Variants in PRKN observed in about 807,000 individuals in gnomAD.
PRKN encodes E3 ubiquitin-protein ligase parkin.
Under a neutral mutation model 59.5 loss-of-function variants are expected in PRKN, and 56 were observed. That is an observed-to-expected ratio of 0.94 (90% confidence interval 0.76 to 1.18). The LOEUF is 1.18. Ranked by LOEUF, PRKN falls within the 50% of genes most tolerant of loss-of-function variation. The probability of loss-of-function intolerance (pLI) is 0.00; values close to 1 mark genes in which losing one functional copy is unlikely to be tolerated. For missense variants in PRKN, 657 were observed against 596.4 expected, an observed-to-expected ratio of 1.10 and a Z score of -1.06; for synonymous variants, 250 against 222.1, an observed-to-expected ratio of 1.13 and a Z score of -1.12.
intron 9 of PRKN, among the ~76,000 whole-genome samples, chr6:161,506,173 C>T (rs1453457143): frequency 1.3e-5 from 2 of 151,868 alleles, no homozygotes; most frequent in East Asian, 3.9e-4. Context: ...GAATGTTCTT[C>T]CATTTGTTTG....
At chr6:161,528,724 GTAACT>G (rs768990508) in intron 9 of PRKN, among the ~76,000 whole-genome samples, 68 of 152,314 alleles carry the variant, frequency 4.5e-4, no homozygotes, top group Admixed American at 8.5e-4. Flanking sequence ...TAGACACTGA[GTAACT>G]TCTTGTCAGT....
At chr6:162,157,190 C>A (rs1324074775) in intron 4 of PRKN, among the ~76,000 whole-genome samples, 1 of 151,792 alleles carries the variant, frequency 6.6e-6, no homozygotes, top group African/African-American at 2.4e-5. Flanking sequence ...CTATTCTCTT[C>A]TCCTCTGCCT....
intron 1 of PRKN, among the ~76,000 whole-genome samples, chr6:162,710,645 C>T (rs1427257574): frequency 1.3e-5 from 2 of 152,134 alleles, no homozygotes; most frequent in Admixed American, 1.3e-4. Context: ...TGATGTATTA[C>T]ACATTTGCAC....
At position 161,526,712 on chromosome 6, in the gene PRKN, G is replaced by C. The variant is rs1211622380; in HGVS notation, c.1083+22142C>G. On this transcript the variant is annotated intron_variant, in intron 9 of 11. Coordinates refer to ENST00000366898, the MANE Select transcript of PRKN (RefSeq NM_004562.3). This position sits in a 1 kb window ranked among gnomAD's most constrained non-coding sequence, Gnocchi z 4.1. Reference sequence around the variant, plus strand: ...GCAAATGTTTGCTAAGCACTGTAGGGGACAGAAAAGACTTTCTTTATCCTC... The same window carrying C: ...GCAAATGTTTGCTAAGCACTGTAGGCGACAGAAAAGACTTTCTTTATCCTC... 6.6e-6 allele frequency among the ~76,000 whole-genome samples: 1 copy of C among 151,952 alleles called. No individual in the cohort carries two copies. Among genetic ancestry groups the C allele is most frequent in the African/African-American group, 2.4e-5 (1 of 41,396 alleles).
chr6:161,824,126 A>G (rs1792145031), intron 6 of PRKN, among the ~76,000 whole-genome samples: 1 of 152,208 alleles, frequency 6.6e-6, no homozygotes, highest in Non-Finnish European at 1.5e-5. Flanking sequence ...TCCTCCTCGC[A>G]CAGACTGTGT....
intron 4 of PRKN, among the ~76,000 whole-genome samples, chr6:162,061,660 C>T (rs1055479170): frequency 6.6e-6 from 1 of 152,064 alleles, no homozygotes; most frequent in African/African-American, 2.4e-5. Flanking sequence ...AGCACAGTGC[C>T]GTGGTTAGAG....
chr6:161,500,128 T>A (rs1017718509), intron 9 of PRKN, among the ~76,000 whole-genome samples: 15 of 152,192 alleles, frequency 9.9e-5, no homozygotes, highest in Non-Finnish European at 2.1e-4. Context: ...GTCAAAACTT[T>A]TAGAATTTTT....
chr6:161,624,964 T>C lies in PRKN; in HGVS notation c.872-55548A>G, dbSNP rs115525117. Among the ~76,000 whole-genome samples the C allele has an allele frequency of 2.9e-3, 446 of 152,318 alleles. 2 individuals carry two copies. The highest frequency in any genetic ancestry group is 0.01 in the African/African-American group (428 of 41,572). On this transcript the variant is annotated intron_variant, in intron 7 of 11. Transcript: ENST00000366898. ...TGGAAAATAAGACAATGGAAATAAATTGAAATAAACAAGTTGGTCTGCACT... is the reference window on the plus strand; with the variant it reads ...TGGAAAATAAGACAATGGAAATAAACTGAAATAAACAAGTTGGTCTGCACT...
chr6:162,202,412 A>G (rs1784768887), intron 3 of PRKN, among the ~76,000 whole-genome samples: 1 of 152,218 alleles, frequency 6.6e-6, no homozygotes, highest in Admixed American at 6.5e-5. Context: ...AATACTTTGC[A>G]AAATCTGAAG....
intron 1 of PRKN, among the ~76,000 whole-genome samples, chr6:162,455,687 A>T (rs1307132054): frequency 6.6e-6 from 1 of 151,946 alleles, no homozygotes; most frequent in Admixed American, 6.5e-5. Flanking sequence ...GATTTGAAAA[A>T]GATTGGTTTT....
intron 7 of PRKN, among the ~76,000 whole-genome samples, chr6:161,686,732 C>T (rs936469989): frequency 6.6e-6 from 1 of 152,154 alleles, no homozygotes; most frequent in African/African-American, 2.4e-5. Flanking sequence ...GCCTTCGTAT[C>T]TTTGCTAGTT....
chr6:162,632,311 G>A (rs1210798585), intron 1 of PRKN, among the ~76,000 whole-genome samples: 1 of 152,142 alleles, frequency 6.6e-6, no homozygotes, highest in African/African-American at 2.4e-5. Context: ...ATACACCATG[G>A]AATACTACAT....
intron 4 of PRKN, among the ~76,000 whole-genome samples, chr6:162,157,774 A>G (rs1210636488): frequency 6.6e-6 from 1 of 152,024 alleles, no homozygotes; most frequent in Non-Finnish European, 1.5e-5. Flanking sequence ...CACATTCAGA[A>G]AGACTTCTCA....
intron 9 of PRKN, among the ~76,000 whole-genome samples, chr6:161,426,569 G>C (rs1788367177): frequency 6.6e-6 from 1 of 151,160 alleles, no homozygotes; most frequent in Non-Finnish European, 1.5e-5. Flanking sequence ...GGCTCTCCTA[G>C]CTCCTCAGCT....
chr6:162,494,346 C>G (rs539550244), intron 1 of PRKN, among the ~76,000 whole-genome samples: 80 of 152,148 alleles, frequency 5.3e-4, no homozygotes, highest in Non-Finnish European at 1.8e-4. Context: ...GTTTAGCACC[C>G]TGGTGGGGAA....
At chr6:162,134,544 G>C (rs1781495263) in intron 4 of PRKN, among the ~76,000 whole-genome samples, 1 of 152,120 alleles carries the variant, frequency 6.6e-6, no homozygotes, top group Admixed American at 6.6e-5. Flanking sequence ...ACACTTCAAG[G>C]ACATGGAATT....
At chr6:161,759,374 T>A (rs1789094134) in intron 7 of PRKN, among the ~76,000 whole-genome samples, 1 of 152,072 alleles carries the variant, frequency 6.6e-6, no homozygotes, top group Non-Finnish European at 1.5e-5. Flanking sequence ...GGTTGGCCAG[T>A]CACTGTAAAT....
Position 162,269,118 on chromosome 6 carries a change from G to A in PRKN, c.172-6353C>T, listed in dbSNP as rs763603904. On this transcript the variant is annotated intron_variant, in intron 2 of 11. Coordinates refer to ENST00000366898, the MANE Select transcript of PRKN (RefSeq NM_004562.3). The stretch of plus-strand genomic sequence containing the variant: ...GCTGGTAACACACCTCGCAGACTCC[G>A]GATGCTGGTGCTGGCTCAAGGTAAA... Among the ~76,000 whole-genome samples, 19 of 152,234 alleles carry A rather than the reference G, an allele frequency of 1.2e-4. 1 individual carries two copies. The South Asian group carries it at 2.7e-3, about 22-fold the overall frequency.
chr6:161,951,460 G>A (rs1779987330), intron 6 of PRKN, among the ~76,000 whole-genome samples: 1 of 152,176 alleles, frequency 6.6e-6, no homozygotes, highest in Non-Finnish European at 1.5e-5. Context: ...GCCCAGGAGG[G>A]TGTCCCAAAG....
Sources: gnomAD v4.1 joint callset for allele counts (sites outside exome capture counted in the v4.1 genomes callset) on GRCh38, gnomAD v4.1.1 for gene constraint, Gnocchi (gnomAD v3.1) non-coding constraint, MANE v1.5 for transcripts, NCBI Gene and HGNC (gene_info 2026-07-23, HGNC 2026-07-21) for gene names.